Variants in GRIA1 observed in about 807,000 individuals in gnomAD.
The protein encoded by GRIA1 is glutamate ionotropic receptor AMPA type subunit 1, also known as glutamate receptor 1.
GRIA1 carries 31 observed loss-of-function variants against 99.2 expected under a neutral mutation model. That is an observed-to-expected ratio of 0.31 (90% CI 0.23 to 0.42). The LOEUF (loss-of-function observed/expected upper bound fraction) is 0.42, where lower values mean the gene tolerates loss of function less well. Ranked by LOEUF, GRIA1 falls within the 10% of genes least tolerant of loss-of-function variation. The pLI is 1.00. For synonymous variants in GRIA1, 438 were observed against 432.4 expected (o/e 1.01, Z -0.16); for missense variants, 782 against 1,157.5 (o/e 0.68, Z 4.71).
In GRIA1 at chr5:153,567,080, C is replaced by A. The variant is rs185556689; in HGVS notation, c.220+73015C>A. Among the ~76,000 whole-genome samples the A allele has an allele frequency of 2.2e-4, 33 of 152,248 alleles. No homozygotes were observed. In the East Asian group the frequency reaches 6.4e-3, roughly 29 times the overall value. The stretch of plus-strand genomic sequence containing the variant: ...CTTCTTTATGGTATCATTTGCAGCA[C>A]AGTTTTAGATCTTTTTTGTTGTTGT... On this transcript the variant is annotated intron_variant, in intron 2 of 15. Transcript: ENST00000285900.
At chr5:153,491,116 G>T (rs1470915004) in intron 1 of GRIA1, 146 bp downstream of exon 1, 6 of 1,019,244 alleles carry the variant, frequency 5.9e-6, no homozygotes, top group Non-Finnish European at 8.9e-6. Flanking sequence ...GGAGACTTGG[G>T]CTTACAGCCA....
chr5:153,758,600 C>A (rs2149599848), intron 11 of GRIA1, among the ~76,000 whole-genome samples: 1 of 151,950 alleles, frequency 6.6e-6, no homozygotes, highest in South Asian at 2.1e-4. Flanking sequence ...CTATACTCTG[C>A]AATAAAATAA....
chr5:153,512,519 C>A (rs1756194798), intron 2 of GRIA1, among the ~76,000 whole-genome samples: 1 of 152,170 alleles, frequency 6.6e-6, no homozygotes, highest in Non-Finnish European at 1.5e-5. Flanking sequence ...TTTGGTCTGG[C>A]AGATTTTGAC....
At chr5:153,641,530 G>A (rs943534443) in intron 2 of GRIA1, among the ~76,000 whole-genome samples, 2 of 152,110 alleles carry the variant, frequency 1.3e-5, no homozygotes, top group Non-Finnish European at 2.9e-5. Flanking sequence ...TCCTGGCCTC[G>A]TTTTTTACTT....
chr5:153,576,064 C>T (rs1234494521), intron 2 of GRIA1, among the ~76,000 whole-genome samples: 1 of 152,186 alleles, frequency 6.6e-6, no homozygotes, highest in Non-Finnish European at 1.5e-5. Context: ...TTTATTTCTA[C>T]TTCTACCGCT....
intron 14 of GRIA1, among the ~76,000 whole-genome samples, chr5:153,798,159 T>C (rs935748653): frequency 3.3e-5 from 5 of 152,212 alleles, no homozygotes; most frequent in African/African-American, 1.2e-4. Flanking sequence ...TTCCACCTTT[T>C]GACAGCTGTT....
chr5:153,574,809 C>T (rs919822710), intron 2 of GRIA1, among the ~76,000 whole-genome samples: 1 of 152,010 alleles, frequency 6.6e-6, no homozygotes, highest in Non-Finnish European at 1.5e-5. Flanking sequence ...AGATAGGTGA[C>T]CTTGAACAAA....
intron 8 of GRIA1, among the ~76,000 whole-genome samples, chr5:153,694,174 A>G (rs914539578): frequency 6.6e-5 from 10 of 152,220 alleles, no homozygotes; most frequent in Admixed American, 3.9e-4. Context: ...TAAAATTAAT[A>G]AGTAGTGCTA....
intron 13 of GRIA1, among the ~76,000 whole-genome samples, chr5:153,780,097 G>A (rs1006464706): frequency 1.3e-5 from 2 of 152,170 alleles, no homozygotes; most frequent in South Asian, 4.1e-4. Flanking sequence ...TTTCTTTTAA[G>A]AGGCTGTCTT....
chr5:153,636,666 T>G (rs1753384654), intron 2 of GRIA1, among the ~76,000 whole-genome samples: 1 of 152,236 alleles, frequency 6.6e-6, no homozygotes, highest in Non-Finnish European at 1.5e-5. Flanking sequence ...TTCTGAATCT[T>G]CTACTTAATG....
At chr5:153,562,041 AG>A (rs1422061820) in intron 2 of GRIA1, among the ~76,000 whole-genome samples, 5 of 152,194 alleles carry the variant, frequency 3.3e-5, no homozygotes, top group African/African-American at 1.2e-4. Context: ...AATGGAGATG[AG>A]GGTGGAAAGA....
intron 11 of GRIA1, among the ~76,000 whole-genome samples, chr5:153,718,714 C>A (rs1418856824): frequency 6.6e-6 from 1 of 152,134 alleles, no homozygotes; most frequent in African/African-American, 2.4e-5. Context: ...TCCTTCCCAC[C>A]CTATCCCTGG....
intron 13 of GRIA1, among the ~76,000 whole-genome samples, chr5:153,777,852 G>T (rs1475788585): frequency 6.6e-6 from 1 of 152,152 alleles, no homozygotes; most frequent in East Asian, 1.9e-4. Flanking sequence ...TAGTACTGGT[G>T]CAGAGCCTGC....
intron 4 of GRIA1, among the ~76,000 whole-genome samples, chr5:153,652,114 C>T (rs1351824046): frequency 2.0e-5 from 3 of 152,164 alleles, no homozygotes; most frequent in Non-Finnish European, 4.4e-5. Context: ...CCTATTTTTG[C>T]TATTCCTAGT....
chr5:153,800,519 T>A (rs1419739903), intron 14 of GRIA1, among the ~76,000 whole-genome samples: 2 of 152,220 alleles, frequency 1.3e-5, no homozygotes, highest in Non-Finnish European at 2.9e-5. Flanking sequence ...ATTTTGCCCC[T>A]TTGAGTCCTT....
intron 8 of GRIA1, among the ~76,000 whole-genome samples, chr5:153,686,979 C>T (rs1422055287): frequency 1.3e-5 from 2 of 152,110 alleles, no homozygotes; most frequent in African/African-American, 2.4e-5. Flanking sequence ...CCTGAATACA[C>T]CATGTTCTTT....
intron 2 of GRIA1, among the ~76,000 whole-genome samples, chr5:153,626,444 CTG>C (rs3036985): frequency 0.076 from 10,842 of 142,212 alleles, 670 homozygotes; most frequent in African/African-American, 0.2. Context: ...GTGTGTGTGT[CTG>C]TGTGTGTGTG....
In GRIA1 at chr5:153,705,932, A is replaced by G. The variant is rs367975166; in HGVS notation, c.1688A>G (p.Tyr563Cys). The part of the protein sequence containing the change: ...VLFLVSRFSP[Y>C]EWHSEEFEEG... The stretch of plus-strand genomic sequence containing the variant: ...TTCCTGGTCAGCCGCTTCAGTCCCT[A>G]TGAATGGCACAGTGAAGAGTTTGAG... The change falls in exon 11 of 16, where the codon TAT (tyrosine) becomes TGT (cysteine). Residue 563 changes from tyrosine (Y) to cysteine (C), a missense_variant. Physicochemically the swap from Tyr to Cys is radical, Grantham distance 194. Around this residue, in one of 5 missense-constraint regions of GRIA1, gnomAD observed 39 missense variants for 43.5 expected, o/e 0.90. Coordinates refer to ENST00000285900, the MANE Select transcript of GRIA1 (RefSeq NM_000827.4). 1.2e-6 allele frequency: 2 copies of G among 1,613,774 alleles called. No homozygotes were observed. Among genetic ancestry groups the G allele is most frequent in the African/African-American group, 1.3e-5 (1 of 74,812 alleles).
rs146481117 is a variant in GRIA1, at chr5:153,626,120, T to A, written c.221-20808T>A. Among the ~76,000 whole-genome samples the A allele has an allele frequency of 2.3e-3, 353 of 152,276 alleles. 2 individuals are homozygous for A. The highest frequency in any genetic ancestry group is 8.1e-3 in the African/African-American group (338 of 41,554). ...ACCTTCACGTTTCTTAACTCTGAAA[T>A]GCGAATGAAAAATAGTTTCCTCGTT... is the stretch of plus-strand genomic sequence containing the variant. On this transcript the variant is annotated intron_variant, in intron 2 of 15. Transcript: ENST00000285900.
Sources: gnomAD v4.1 joint callset for allele counts (sites outside exome capture counted in the v4.1 genomes callset) on GRCh38, gnomAD v4.1.1 for gene constraint, gnomAD v4.1.1 regional missense constraint, MANE v1.5 for transcripts, NCBI Gene and HGNC (gene_info 2026-07-23, HGNC 2026-07-21) for gene names.